PRIM2: variants seen among roughly 807,000 people sequenced by gnomAD.
PRIM2 encodes DNA primase subunit 2, also known as DNA primase large subunit.
A neutral mutation model predicts 67.3 loss-of-function variants in PRIM2; 39 were observed. The ratio of observed to expected loss-of-function variants is 0.58; its 90% confidence interval spans 0.45 to 0.76. The LOEUF (loss-of-function observed/expected upper bound fraction) is 0.76, where lower values mean the gene tolerates loss of function less well. Among genes scored for constraint, PRIM2 ranks in the 30% least tolerant of loss-of-function variants. The pLI, the probability that PRIM2 is intolerant of heterozygous loss-of-function variation, is 0.00. For synonymous variants in PRIM2, 143 were observed against 198.7 expected (o/e 0.72, Z 2.36); for missense variants, 398 against 598.7 (o/e 0.66, Z 3.50).
chr6:57,244,549 T>C, the PRIM2 span, among the ~76,000 whole-genome samples: 1 of 152,078 alleles, frequency 6.6e-6, no homozygotes, highest in Admixed American at 6.6e-5. Context: ...TCACCTGAAG[T>C]CGGGAGTTCG....
intron 7 of PRIM2, among the ~76,000 whole-genome samples, chr6:57,471,998 G>T (rs1377579930): frequency 6.6e-6 from 1 of 151,912 alleles, no homozygotes; most frequent in Non-Finnish European, 1.5e-5. Context: ...TTTTTTTTGA[G>T]AACTGTTGTT....
intron 5 of PRIM2, among the ~76,000 whole-genome samples, chr6:57,363,574 T>C: frequency 6.6e-6 from 1 of 152,172 alleles, no homozygotes. Flanking sequence ...GATATATCAC[T>C]CTGCTGCCTT....
chr6:57,505,089 A>C (rs1554347178), intron 7 of PRIM2: 4 of 152,184 alleles, frequency 2.6e-5, no homozygotes, highest in South Asian at 2.1e-4. Context: ...ATGAAGTTTG[A>C]ATTCTGTCAG....
chr6:57,505,346 G>A (rs1232714239), intron 7 of PRIM2: 1 of 152,178 alleles, frequency 6.6e-6, no homozygotes, highest in East Asian at 1.9e-4. Flanking sequence ...GAGGTGGGAA[G>A]GGGAGGTTGG....
chr6:57,547,293 G>A (rs1775308625), intron 10 of PRIM2, among the ~76,000 whole-genome samples: 1 of 152,028 alleles, frequency 6.6e-6, no homozygotes, highest in East Asian at 1.9e-4. Flanking sequence ...GGGGGTACAT[G>A]TGCAGGTTTG....
intron 10 of PRIM2, among the ~76,000 whole-genome samples, chr6:57,583,423 G>A (rs1298245908): frequency 6.8e-6 from 1 of 147,898 alleles, no homozygotes; most frequent in Admixed American, 6.9e-5. Flanking sequence ...GTGAGAATAT[G>A]CGGTTTGTTT....
chr6:57,456,511 C>G (rs1772786726), intron 7 of PRIM2, among the ~76,000 whole-genome samples: 1 of 152,134 alleles, frequency 6.6e-6, no homozygotes, highest in Non-Finnish European at 1.5e-5. Context: ...CTCTAAACTT[C>G]TCTTCTTGCT....
chr6:57,576,501 C>A (rs1775966597), intron 10 of PRIM2, among the ~76,000 whole-genome samples: 1 of 152,174 alleles, frequency 6.6e-6, no homozygotes, highest in African/African-American at 2.4e-5. Context: ...TTCTGCACTG[C>A]AGAGAACACA....
chr6:57,645,182 C>A (rs1313019386), intron 13 of PRIM2, among the ~76,000 whole-genome samples: 1 of 151,898 alleles, frequency 6.6e-6, no homozygotes, highest in African/African-American at 2.4e-5. Flanking sequence ...TCAAAATGAT[C>A]AAAAATGATT....
chr6:57,394,764 C>T (rs530674004), intron 7 of PRIM2, among the ~76,000 whole-genome samples: 1 of 152,138 alleles, frequency 6.6e-6, no homozygotes, highest in Non-Finnish European at 1.5e-5. Flanking sequence ...ATGCTTTCAA[C>T]TTTACCCCAT....
chr6:57,551,577 G>A (rs1775403776), intron 10 of PRIM2, among the ~76,000 whole-genome samples: 1 of 151,924 alleles, frequency 6.6e-6, no homozygotes, highest in Non-Finnish European at 1.5e-5. Flanking sequence ...TTTAAAGAGT[G>A]TATTTTGTTC....
At chr6:57,327,975 G>A (rs1419506495) in intron 5 of PRIM2, among the ~76,000 whole-genome samples, 2 of 152,090 alleles carry the variant, frequency 1.3e-5, no homozygotes, top group African/African-American at 4.8e-5. Flanking sequence ...TCTCTCACAT[G>A]TGCAGTTCAT....
In PRIM2 at chr6:57,556,214, C is replaced by G. The variant is rs1473911797; in HGVS notation, c.1020+18589C>G. Among the ~76,000 whole-genome samples, 3 of 152,324 alleles carry G rather than the reference C, an allele frequency of 2.0e-5. No homozygotes were observed. In the South Asian group the frequency reaches 6.2e-4, roughly 32 times the overall value. Reference sequence around the variant, plus strand: ...AATCAGTATCATTAAAATGGCCATTCTGCCCAAAGTAATTTATAGATTCAA... The same window carrying G: ...AATCAGTATCATTAAAATGGCCATTGTGCCCAAAGTAATTTATAGATTCAA... On this transcript the variant is annotated intron_variant, in intron 10 of 13. Transcript: ENST00000615550.
chr6:57,303,682 C>T, the PRIM2 span, among the ~76,000 whole-genome samples: 1 of 152,164 alleles, frequency 6.6e-6, no homozygotes, highest in Non-Finnish European at 1.5e-5. Context: ...GTGGCACCAT[C>T]TCGGCTCACT....
intron 10 of PRIM2, among the ~76,000 whole-genome samples, chr6:57,542,422 G>A (rs1264845518): frequency 2.0e-5 from 3 of 152,172 alleles, no homozygotes; most frequent in African/African-American, 7.2e-5. Context: ...CTTACCCTGA[G>A]TACTAAGTCT....
intron 10 of PRIM2, among the ~76,000 whole-genome samples, chr6:57,586,587 G>T (rs1229588986): frequency 1.3e-5 from 2 of 152,190 alleles, no homozygotes; most frequent in African/African-American, 2.4e-5. Context: ...CTCACAATGG[G>T]TATTTGTCTG....
At chr6:57,258,854 G>A in the PRIM2 span, among the ~76,000 whole-genome samples, 1 of 152,154 alleles carries the variant, frequency 6.6e-6, no homozygotes, top group African/African-American at 2.4e-5. Context: ...GACTCTTGGA[G>A]GGCAGACAGC....
chr6:57,318,313 T>G, intron 1 of PRIM2, 124 bp from the exon 2 acceptor site: 2 of 915,150 alleles, frequency 2.2e-6, no homozygotes, highest in South Asian at 1.9e-5. Flanking sequence ...CTGCTAACAT[T>G]TTGTGCATGC....
chr6:57,447,350 A>G lies in PRIM2; in HGVS notation c.694-60037A>G, dbSNP rs1303711383. Reference sequence around the variant, plus strand: ...ATTACAGAAGTGACACACATATGAAACAATTGAAGAACAAAGTAACACCTC... The same window carrying G: ...ATTACAGAAGTGACACACATATGAAGCAATTGAAGAACAAAGTAACACCTC... On this transcript the variant is annotated intron_variant, in intron 7 of 13. Coordinates refer to ENST00000615550, the MANE Select transcript of PRIM2 (RefSeq NM_000947.5). Among the ~76,000 whole-genome samples the G allele has an allele frequency of 2.0e-5, 3 of 152,204 alleles. No homozygotes were observed. The East Asian group carries it at 5.8e-4, about 29-fold the overall frequency.
Sources: allele counts gnomAD v4.1 joint callset (sites outside exome capture counted in the v4.1 genomes callset), GRCh38; gene constraint gnomAD v4.1.1; transcripts MANE v1.5; gene names NCBI Gene and HGNC (gene_info 2026-07-23, HGNC 2026-07-21).